CSMD1: variants seen among roughly 807,000 people sequenced by gnomAD.
CSMD1 encodes CUB and Sushi multiple domains 1.
In CSMD1, 213 loss-of-function variants were observed where a neutral mutation model predicts 417.5. The observed-to-expected ratio is 0.51, with a 90% CI of 0.46 to 0.57. The LOEUF is 0.57. Among genes scored for constraint, CSMD1 ranks in the 20% least tolerant of loss-of-function variants. The pLI, the probability that CSMD1 is intolerant of heterozygous loss-of-function variation, is 0.00. For missense variants in CSMD1, 6,923 were observed against 4,529.7 expected (o/e 1.53, Z -15.17); for synonymous variants, 2,862 against 1,736.8 (o/e 1.65, Z -16.11).
At chr8:4,834,752 C>T (rs187111052) in intron 1 of CSMD1, among the ~76,000 whole-genome samples, 1 of 151,422 alleles carries the variant, frequency 6.6e-6, no homozygotes, top group South Asian at 2.1e-4. Context: ...ATCAGGAGAT[C>T]GAGACCATCC....
intron 2 of CSMD1, among the ~76,000 whole-genome samples, chr8:4,462,050 T>C (rs1799868400): frequency 6.6e-6 from 1 of 151,932 alleles, no homozygotes; most frequent in Non-Finnish European, 1.5e-5. Flanking sequence ...GCTAATCTTA[T>C]TTTTTATAGG....
chr8:4,815,916 A>T (rs1799180540), intron 1 of CSMD1, among the ~76,000 whole-genome samples: 1 of 152,068 alleles, frequency 6.6e-6, no homozygotes, highest in Admixed American at 6.6e-5. Context: ...CTTTCTAGGA[A>T]GTAGATTTTA....
intron 66 of CSMD1, 92 bp downstream of exon 66, chr8:2,951,022 G>C: frequency 1.5e-6 from 2 of 1,317,114 alleles, no homozygotes; most frequent in Non-Finnish European, 2.1e-6. Flanking sequence ...ACAGTAATAA[G>C]TACTTAATAC....
chr8:4,439,637 A>G (rs1585076871), intron 2 of CSMD1, among the ~76,000 whole-genome samples: 1 of 152,294 alleles, frequency 6.6e-6, no homozygotes, highest in South Asian at 2.1e-4. Context: ...CAGCACCATA[A>G]GGCAAAATGG....
chr8:3,814,125 A>G (rs529102721), intron 5 of CSMD1, among the ~76,000 whole-genome samples: 3 of 152,318 alleles, frequency 2.0e-5, no homozygotes, highest in Admixed American at 6.5e-5. Flanking sequence ...TCTTTGCAAT[A>G]ACGTACCAGC....
chr8:4,171,823 C>T lies in CSMD1; in HGVS notation c.416-139724G>A, dbSNP rs569080626. ...CATTCATTAGACAAATCATCTAAAT[C>T]CCAGTTTAATAAAAAATGCCCATTA... On this transcript the variant is annotated intron_variant, in intron 3 of 69. Coordinates refer to ENST00000635120, the MANE Select transcript of CSMD1 (RefSeq NM_033225.6). Among the ~76,000 whole-genome samples, 4 of 152,160 alleles carry T rather than the reference C, an allele frequency of 2.6e-5. No homozygotes were observed. In the South Asian group the frequency reaches 8.3e-4, roughly 32 times the overall value.
chr8:4,199,827 T>A (rs1378696925), intron 3 of CSMD1, among the ~76,000 whole-genome samples: 4 of 152,262 alleles, frequency 2.6e-5, no homozygotes, highest in Middle Eastern at 3.4e-3. Flanking sequence ...TTCCACTAGA[T>A]AACAGCAGCA....
chr8:4,057,504 G>C (rs150759574), intron 3 of CSMD1, among the ~76,000 whole-genome samples: 12,802 of 152,148 alleles, frequency 0.084, 953 homozygotes, highest in African/African-American at 0.18. Context: ...TCTGACGGTA[G>C]TTTGTTTTGC....
At chr8:3,524,824 G>A (rs1296347634) in intron 10 of CSMD1, among the ~76,000 whole-genome samples, 2 of 149,886 alleles carry the variant, frequency 1.3e-5, no homozygotes, top group South Asian at 2.1e-4. Flanking sequence ...AGACACACAT[G>A]CACACACAGA....
At chr8:3,361,639 A>T (rs1225002764) in intron 20 of CSMD1, among the ~76,000 whole-genome samples, 3 of 135,834 alleles carry the variant, frequency 2.2e-5, no homozygotes, top group Non-Finnish European at 4.7e-5. Context: ...GCAACAGAGC[A>T]AGATTCCATC....
At chr8:3,210,819 T>C (rs1465548141) in intron 30 of CSMD1, among the ~76,000 whole-genome samples, 2 of 151,878 alleles carry the variant, frequency 1.3e-5, no homozygotes, top group East Asian at 1.9e-4. Context: ...TCCCCACAAA[T>C]TCAACTGTAA....
intron 3 of CSMD1, among the ~76,000 whole-genome samples, chr8:4,347,704 C>G (rs1800853465): frequency 6.6e-6 from 1 of 152,148 alleles, no homozygotes; most frequent in East Asian, 1.9e-4. Flanking sequence ...AACATCCCTT[C>G]TATCTCCTGT....
chr8:3,848,496 T>G (rs13269747), intron 5 of CSMD1, among the ~76,000 whole-genome samples: 65,730 of 151,736 alleles, frequency 0.43, 15,459 homozygotes, highest in African/African-American at 0.63. Flanking sequence ...GGATTTATAC[T>G]TTCCGATTTT....
intron 5 of CSMD1, among the ~76,000 whole-genome samples, chr8:3,786,906 T>C (rs1054468193): frequency 2.6e-5 from 4 of 152,068 alleles, no homozygotes; most frequent in Non-Finnish European, 4.4e-5. Context: ...CTCCTAATAC[T>C]AGCACCTTTA....
intron 1 of CSMD1, among the ~76,000 whole-genome samples, chr8:4,777,297 G>C (rs1449306212): frequency 6.6e-6 from 1 of 152,208 alleles, no homozygotes; most frequent in Non-Finnish European, 1.5e-5. Context: ...TGACTCAGTA[G>C]GTGGACGAAA....
chr8:3,430,811 A>G (rs1234571532), intron 12 of CSMD1, among the ~76,000 whole-genome samples: 1 of 152,208 alleles, frequency 6.6e-6, no homozygotes, highest in Non-Finnish European at 1.5e-5. Context: ...CATTTCAACA[A>G]CAACAACAAA....
intron 1 of CSMD1, among the ~76,000 whole-genome samples, chr8:4,835,545 G>T (rs1011025200): frequency 6.6e-6 from 1 of 152,160 alleles, no homozygotes; most frequent in African/African-American, 2.4e-5. Context: ...CAACCTGAGG[G>T]TGGTTAAGTT....
At chr8:4,895,711 A>G (rs1463007106) in intron 1 of CSMD1, among the ~76,000 whole-genome samples, 3 of 150,670 alleles carry the variant, frequency 2.0e-5, no homozygotes, top group Non-Finnish European at 3.0e-5. Context: ...TTTTCTCCTC[A>G]GTCTTCAAAC....
At chr8:3,983,967 G>C (rs898115002) in intron 5 of CSMD1, among the ~76,000 whole-genome samples, 11 of 152,214 alleles carry the variant, frequency 7.2e-5, no homozygotes, top group African/African-American at 2.7e-4. Context: ...GATCTGATGG[G>C]GCTGTCAATT....
Sources: gnomAD v4.1 joint callset for allele counts (sites outside exome capture counted in the v4.1 genomes callset) on GRCh38, gnomAD v4.1.1 for gene constraint, MANE v1.5 for transcripts, NCBI Gene and HGNC (gene_info 2026-07-23, HGNC 2026-07-21) for gene names.